The following HEATR5A variants were observed in gnomAD, a reference collection of about 807,000 sequenced individuals.
The protein encoded by HEATR5A is HEAT repeat containing 5A.
Under a neutral mutation model 218.8 loss-of-function variants are expected in HEATR5A, and 178 were observed. The observed-to-expected ratio is 0.81, with a 90% CI of 0.72 to 0.92. The LOEUF (loss-of-function observed/expected upper bound fraction) is 0.92. Ranked by LOEUF, HEATR5A falls within the 40% of genes least tolerant of loss-of-function variation. The pLI is 0.00. For synonymous variants in HEATR5A, 864 were observed against 871.6 expected, an observed-to-expected ratio of 0.99 and a Z score of 0.15; for missense variants, 2,420 against 2,418.9, an observed-to-expected ratio of 1.00 and a Z score of -0.01.
At chr14:31,352,505 C>T (rs1257713830) in intron 16 of HEATR5A, among the ~76,000 whole-genome samples, 1 of 152,124 alleles carries the variant, frequency 6.6e-6, no homozygotes, top group Non-Finnish European at 1.5e-5. Flanking sequence ...GCAAGCTGTC[C>T]TGTAAATGGC....
chr14:31,311,949 C>T (rs1899768452), intron 28 of HEATR5A, among the ~76,000 whole-genome samples: 1 of 152,144 alleles, frequency 6.6e-6, no homozygotes, highest in Non-Finnish European at 1.5e-5. Flanking sequence ...CGAATGGCCA[C>T]TTGTATATAT....
intron 3 of HEATR5A, among the ~76,000 whole-genome samples, chr14:31,399,683 A>G (rs1467381529): frequency 6.6e-6 from 1 of 152,126 alleles, no homozygotes; most frequent in African/African-American, 2.4e-5. Flanking sequence ...TACAAAAATT[A>G]GCTCGAAGTG....
chr14:31,326,728 C>T (rs1345576888), intron 22 of HEATR5A, among the ~76,000 whole-genome samples: 9 of 151,806 alleles, frequency 5.9e-5, no homozygotes, highest in Non-Finnish European at 8.8e-5. Context: ...CTGCAACCTC[C>T]GCCTCCCAGG....
At chr14:31,351,935 T>C (rs1901248802) in intron 16 of HEATR5A, among the ~76,000 whole-genome samples, 4 of 152,286 alleles carry the variant, frequency 2.6e-5, no homozygotes, top group African/African-American at 9.6e-5. Flanking sequence ...TTTTATAATG[T>C]TTGTGAATCC....
Position 31,326,334 on chromosome 14 carries a change from T to C in HEATR5A, c.3376A>G (p.Ile1126Val), listed in dbSNP as rs757350431. The change falls in exon 23 of 36, where the codon ATC becomes GTC. Residue 1126 changes from isoleucine to valine, a missense_variant. Coordinates refer to ENST00000543095, the MANE Select transcript of HEATR5A (RefSeq NM_015473.4). ...GCCCCCTCAAGGCCAACTTCTCTGATGTTAGCATCTGACAAGAAGAAAATC... is the reference window on the plus strand; with the variant it reads ...GCCCCCTCAAGGCCAACTTCTCTGACGTTAGCATCTGACAAGAAGAAAATC... ...SREELTPDANIREVGLEGALL... is the reference protein window; with the variant it reads ...SREELTPDANVREVGLEGALL... The C allele has an allele frequency of 6.2e-7, 1 of 1,608,596 alleles. No homozygotes were observed. Among genetic ancestry groups the C allele is most frequent in the Non-Finnish European group, 8.5e-7 (1 of 1,177,854 alleles).
Position 31,302,531 on chromosome 14 carries a change from A to G in HEATR5A, c.5240-12T>C, listed in dbSNP as rs766550024. 5 of 1,522,846 alleles carry G rather than the reference A, an allele frequency of 3.3e-6. 1 individual carries two copies. The African/African-American group carries it at 4.1e-5, about 13-fold the overall frequency. 94.3% of individuals were successfully genotyped at this position (1,522,846 alleles called of 1,614,324 possible). On this transcript the variant is annotated splice_polypyrimidine_tract_variant and intron_variant, in intron 32 of 35. Transcript: ENST00000543095. ...AATTGAGATGCTTCCTGTAAGATAC[A>G]TTTTTTAAAAACACACTGGATTTCA...
In HEATR5A at chr14:31,292,914, A is replaced by G. The variant is rs1899067354; in HGVS notation, c.*391T>C. 6.3e-6 allele frequency: 1 copy of G among 159,582 alleles called. No homozygotes were observed. The highest frequency in any genetic ancestry group is 1.8e-4 in the East Asian group (1 of 5,452). 9.9% of individuals were successfully genotyped at this position (159,582 alleles called of 1,614,324 possible). A position where few individuals can be genotyped will look rare whatever the true frequency, so the allele number is the denominator to read the frequency against. On this transcript the variant is annotated 3_prime_UTR_variant, in exon 36 of 36. Transcript: ENST00000543095. Reference sequence around the variant, plus strand: ...ATTTTAAATCAGCAATTGGGATACAATATTAGTGCAGATAATTTACACTAG... The same window carrying G: ...ATTTTAAATCAGCAATTGGGATACAGTATTAGTGCAGATAATTTACACTAG...
intron 27 of HEATR5A, among the ~76,000 whole-genome samples, chr14:31,313,766 T>A (rs1346030941): frequency 6.6e-6 from 1 of 152,200 alleles, no homozygotes; most frequent in Middle Eastern, 3.2e-3. Context: ...GCCATTTAAA[T>A]CTATATACAC....
At chr14:31,333,993 G>A (rs994796539) in intron 22 of HEATR5A, among the ~76,000 whole-genome samples, 5 of 142,254 alleles carry the variant, frequency 3.5e-5, no homozygotes, top group Admixed American at 7.6e-5. Context: ...AGCCCAGGTC[G>A]TGCCACTGCA....
At chr14:31,388,667 T>A (rs909114046) in intron 7 of HEATR5A, among the ~76,000 whole-genome samples, 178 bp downstream of exon 7, 4 of 152,198 alleles carry the variant, frequency 2.6e-5, no homozygotes, top group African/African-American at 9.6e-5. Flanking sequence ...GGTAATAAGG[T>A]CCTCTTACTT....
At position 31,326,159 on chromosome 14, in the gene HEATR5A, TTAC is replaced by T. The variant is rs747972128; in HGVS notation, c.3547+1_3547+3del. ...TATTTTAACTGATAATGTCCAATAC[TTAC>T]CAGCTGATGCAGCAAGTACATCTTT... On this transcript the variant is annotated splice_donor_variant and splice_donor_region_variant and intron_variant, in intron 23 of 35. Transcript: ENST00000543095. LOFTEE classifies it high-confidence loss of function. 3.1e-6 allele frequency: 5 copies of T among 1,608,654 alleles called. No individual in the cohort carries two copies. The Admixed American group carries it at 5.0e-5, about 16-fold the overall frequency.
chr14:31,417,072 C>G (rs182693302), intron 1 of HEATR5A, among the ~76,000 whole-genome samples: 150 of 151,960 alleles, frequency 9.9e-4, no homozygotes, highest in Middle Eastern at 3.4e-3. Context: ...TAAAAATAAA[C>G]AAATAAATAA....
intron 1 of HEATR5A, chr14:31,420,148 C>T (rs917759427): frequency 6.6e-6 from 1 of 152,386 alleles, no homozygotes; most frequent in African/African-American, 2.4e-5. Context: ...GAGTCCACGC[C>T]TACCTGTTGT....
chr14:31,354,633 G>C (rs921232970), intron 16 of HEATR5A, among the ~76,000 whole-genome samples: 1 of 152,078 alleles, frequency 6.6e-6, no homozygotes, highest in Non-Finnish European at 1.5e-5. Context: ...TGAAATGATA[G>C]GTACTAAAAG....
intron 12 of HEATR5A, among the ~76,000 whole-genome samples, chr14:31,372,152 G>A (rs1440349280): frequency 6.6e-6 from 1 of 150,376 alleles, no homozygotes; most frequent in Non-Finnish European, 1.5e-5. Context: ...ACAAAATGCT[G>A]CTGTTCTAGG....
chr14:31,346,441 C>G (rs543778589), intron 19 of HEATR5A, among the ~76,000 whole-genome samples: 34 of 152,122 alleles, frequency 2.2e-4, no homozygotes, highest in African/African-American at 7.0e-4. Context: ...GGAAAGCTAA[C>G]TGGATTAAAG....
chr14:31,302,444 C>G lies in HEATR5A; in HGVS notation c.5315G>C (p.Gly1772Ala), dbSNP rs1240975989. The change falls in exon 33 of 36, where the codon GGG becomes GCG. Residue 1772 changes from glycine (G) to alanine (A), a missense_variant. Transcript: ENST00000543095. Reference sequence around the variant, plus strand: ...TGCAACTGTCGAAGATAACTGGCCCCCAGGTAACTTCACAGCAGTCTCTCT... The same window carrying G: ...TGCAACTGTCGAAGATAACTGGCCCGCAGGTAACTTCACAGCAGTCTCTCT... ...VLRETAVKLP[G>A]GQLSSTVAAS... 6.3e-7 allele frequency: 1 copy of G among 1,597,928 alleles called. No homozygotes were observed. The highest frequency in any genetic ancestry group is 8.5e-7 in the Non-Finnish European group (1 of 1,171,542).
rs774984356 is a variant in HEATR5A, at chr14:31,345,250, C to T, written c.2895G>A (p.Leu965=). ...VQTWALHSLS[L]IIDSAGPLYY... is the part of the protein sequence containing the mutation. ...AGAGTGGGCCAGCAGAATCAATGAT[C>T]AATGATAGAGAATGTAATGCCCAGG... The change falls in exon 20 of 36, where the codon TTG becomes TTA. Residue 965 remains leucine, a synonymous_variant. Coordinates refer to ENST00000543095, the MANE Select transcript of HEATR5A (RefSeq NM_015473.4). The T allele has an allele frequency of 8.1e-6, 13 of 1,612,362 alleles. No individual in the cohort carries two copies. The highest frequency in any genetic ancestry group is 1.1e-5 in the Non-Finnish European group (13 of 1,179,002).
chr14:31,342,293 G>C (rs1467304171), intron 21 of HEATR5A, among the ~76,000 whole-genome samples: 2 of 152,096 alleles, frequency 1.3e-5, no homozygotes, highest in Non-Finnish European at 2.9e-5. Context: ...GAGGCTGAAG[G>C]GGGAGGATCA....
Sources: allele counts gnomAD v4.1 joint callset (sites outside exome capture counted in the v4.1 genomes callset), GRCh38; gene constraint gnomAD v4.1.1; transcripts MANE v1.5; gene names NCBI Gene and HGNC (gene_info 2026-07-23, HGNC 2026-07-21).